The following CAPS2 variants were observed in gnomAD, a reference collection of about 807,000 sequenced individuals.
The protein encoded by CAPS2 is calcyphosin-2.
In CAPS2, 98 loss-of-function variants were observed where a neutral mutation model predicts 86.5. That is an observed-to-expected ratio of 1.13 (90% CI 0.96 to 1.34). The LOEUF (loss-of-function observed/expected upper bound fraction) is 1.34, where lower values mean the gene tolerates loss of function less well. Ranked by LOEUF, CAPS2 falls within the 40% of genes most tolerant of loss-of-function variation. CAPS2 has a pLI of 0.00. For synonymous variants in CAPS2, 210 were observed against 225.1 expected (o/e 0.93, Z 0.60); for missense variants, 729 against 686.8 (o/e 1.06, Z -0.69).
intron 1 of CAPS2, among the ~76,000 whole-genome samples, chr12:75,342,126 G>T (rs561764926): frequency 6.6e-6 from 1 of 152,146 alleles, no homozygotes; most frequent in Non-Finnish European, 1.5e-5. Flanking sequence ...AAGATAGTGT[G>T]GGTAGTGAGT....
chr12:75,282,493 TCTCCTGC>T, intron 15 of CAPS2, 146 bp from the exon 16 acceptor site: 1 of 595,172 alleles, frequency 1.7e-6, no homozygotes, highest in East Asian at 3.1e-5. Flanking sequence ...TTCAAGTGTT[TCTCCTGC>T]CTCAGCCTAC....
At position 75,288,341 on chromosome 12, in the gene CAPS2, G is replaced by T. The variant is rs578043556; in HGVS notation, c.1395+1280C>A. 4.0e-5 allele frequency among the ~76,000 whole-genome samples: 6 copies of T among 150,908 alleles called. No individual in the cohort carries two copies. In the South Asian group the frequency reaches 1.2e-3, roughly 31 times the overall value. Reference sequence around the variant, plus strand: ...ACAGAATTGTACAGCTGATATGGCAGATTCCCATGTAATTTTCTTATTTGA... The same window carrying T: ...ACAGAATTGTACAGCTGATATGGCATATTCCCATGTAATTTTCTTATTTGA... On this transcript the variant is annotated intron_variant, in intron 14 of 16. Transcript: ENST00000393284.
At chr12:75,359,745 A>C (rs919069204) in intron 1 of CAPS2, 1 of 152,128 alleles carries the variant, frequency 6.6e-6, no homozygotes, top group Non-Finnish European at 1.5e-5. Context: ...AGTGGAAAAA[A>C]AATTAATAAA....
At chr12:75,335,215 A>G (rs1021303172) in intron 1 of CAPS2, among the ~76,000 whole-genome samples, 1 of 152,028 alleles carries the variant, frequency 6.6e-6, no homozygotes, top group African/African-American at 2.4e-5. Flanking sequence ...TCTTTCTTCC[A>G]TTTTTTAGCT....
In CAPS2 at chr12:75,304,747, A is replaced by G. The variant is rs531063950; in HGVS notation, c.779+10T>C. ...TGCATCCTCATTTTATGTAATTAAA[A>G]TCTTCTTACTTTGTTTCATGTAGTG... is the stretch of plus-strand genomic sequence containing the variant. On this transcript the variant is annotated intron_variant, in intron 8 of 16. Transcript: ENST00000393284. 295 of 1,562,816 alleles carry G rather than the reference A, an allele frequency of 1.9e-4. 3 individuals carry two copies. The South Asian group carries it at 3.3e-3, about 17-fold the overall frequency.
upstream of CAPS2, chr12:75,330,009 T>A: frequency 1.5e-6 from 1 of 667,482 alleles, no homozygotes; most frequent in Non-Finnish European, 2.5e-6. Context: ...AAAAACCGCA[T>A]TCAGAAAGCT....
chr12:75,284,713 T>C (rs2138105855), intron 15 of CAPS2, among the ~76,000 whole-genome samples: 1 of 152,210 alleles, frequency 6.6e-6, no homozygotes, highest in South Asian at 2.1e-4. Context: ...AGCTAGTAAT[T>C]TGTTAACCAA....
chr12:75,347,824 T>C (rs2042557864), intron 1 of CAPS2: 2 of 572,064 alleles, frequency 3.5e-6, no homozygotes, highest in East Asian at 3.2e-5. Flanking sequence ...TTTTGATAAG[T>C]AATGACTCCC....
chr12:75,276,651 T>C (rs2032988089), downstream of CAPS2: 1 of 839,180 alleles, frequency 1.2e-6, no homozygotes, highest in African/African-American at 1.8e-5. Context: ...TTTAATAAAA[T>C]GTTTTTCCTT....
intron 1 of CAPS2, among the ~76,000 whole-genome samples, chr12:75,368,151 G>A (rs2044113295): frequency 6.6e-6 from 1 of 151,946 alleles, no homozygotes; most frequent in Admixed American, 6.6e-5. Flanking sequence ...GTTAAGTGAT[G>A]CCCCAGTAAT....
chr12:75,326,105 T>G (rs1442723534), intron 1 of CAPS2, among the ~76,000 whole-genome samples: 1 of 152,102 alleles, frequency 6.6e-6, no homozygotes, highest in Non-Finnish European at 1.5e-5. Context: ...TGACTTGTGC[T>G]TTTTTTGTGA....
chr12:75,337,374 G>C (rs181696269), intron 1 of CAPS2, among the ~76,000 whole-genome samples: 1 of 151,406 alleles, frequency 6.6e-6, no homozygotes, highest in African/African-American at 2.4e-5. Context: ...AATGAAGAAA[G>C]ACACAACTCA....
chr12:75,288,579 G>C (rs529409953), intron 14 of CAPS2, among the ~76,000 whole-genome samples: 1 of 152,330 alleles, frequency 6.6e-6, no homozygotes, highest in Non-Finnish European at 1.5e-5. Flanking sequence ...AACAATGCAA[G>C]AGATCCTTTA....
intron 1 of CAPS2, among the ~76,000 whole-genome samples, chr12:75,366,105 A>T (rs973478573): frequency 6.6e-6 from 1 of 152,176 alleles, no homozygotes; most frequent in South Asian, 2.1e-4. Flanking sequence ...TATTTAAGTC[A>T]TGTGAACTTG....
chr12:75,337,042 ATAATT>A (rs2041783031), intron 1 of CAPS2, among the ~76,000 whole-genome samples: 1 of 151,860 alleles, frequency 6.6e-6, no homozygotes, highest in South Asian at 2.1e-4. Flanking sequence ...AGAGATTACT[ATAATT>A]TAGATTTGAA....
rs2033170948 is a variant in CAPS2, at chr12:75,277,696, G to A, written c.*1194C>T. 3 of 920,946 alleles carry A rather than the reference G, an allele frequency of 3.3e-6. No homozygotes were observed. The South Asian group carries it at 1.5e-4, about 46-fold the overall frequency. 57.0% of individuals were successfully genotyped at this position (920,946 alleles called of 1,614,324 possible). ...TCTCATGTTGCTGCCAAGTATAGAT[G>A]GATACAGTGATATGTCTAAAGTCAT... is the stretch of plus-strand genomic sequence containing the variant. On this transcript the variant is annotated 3_prime_UTR_variant, in exon 17 of 17. Coordinates refer to ENST00000393284, the Ensembl canonical transcript of CAPS2.
At position 75,385,590 on chromosome 12, in the gene CAPS2, A is replaced by C. The variant is rs1421379773; in HGVS notation, c.-395+5248T>G. Among the ~76,000 whole-genome samples, 2 of 152,246 alleles carry C rather than the reference A, an allele frequency of 1.3e-5. 1 individual carries two copies. The highest frequency in any genetic ancestry group is 4.8e-5 in the African/African-American group (2 of 41,468). On this transcript the variant is annotated intron_variant, in intron 1 of 5. Coordinates refer to the CAPS2 transcript ENST00000551829. ...CCTCTCATCACTGCTCTTCAACTTC[A>C]TACTGGAAATCCTTGCTAATACAAT...
intron 1 of CAPS2, among the ~76,000 whole-genome samples, chr12:75,387,658 C>A (rs745563520): frequency 6.6e-6 from 1 of 152,158 alleles, no homozygotes; most frequent in Non-Finnish European, 1.5e-5. Flanking sequence ...TCTGGTGTGG[C>A]CCTTCTTGCT....
chr12:75,276,306 A>T, downstream of CAPS2: 1 of 1,515,122 alleles, frequency 6.6e-7, no homozygotes, highest in South Asian at 1.3e-5. Flanking sequence ...ACTACAAACT[A>T]TAATCTCATA....
Sources: allele counts gnomAD v4.1 joint callset (sites outside exome capture counted in the v4.1 genomes callset), GRCh38; gene constraint gnomAD v4.1.1; transcripts MANE v1.5; gene names NCBI Gene and HGNC (gene_info 2026-07-23, HGNC 2026-07-21).